Variants in NREP observed in about 807,000 individuals in gnomAD.
NREP encodes neuronal regeneration related protein, also known as neuronal regeneration-related protein.
In NREP, 5 loss-of-function variants were observed where a neutral mutation model predicts 8.6. The ratio of observed to expected loss-of-function variants is 0.58; its 90% CI spans 0.30 to 1.22. The LOEUF (loss-of-function observed/expected upper bound fraction) is 1.22. Among genes scored for constraint, NREP ranks in the 50% most tolerant of loss-of-function variants. The pLI is 0.07. For synonymous variants in NREP, 27 were observed against 28.0 expected, an observed-to-expected ratio of 0.96 and a Z score of 0.11; for missense variants, 86 against 82.5, an observed-to-expected ratio of 1.04 and a Z score of -0.17.
rs989925759 is a variant in NREP, at chr5:111,845,323, C to T, written c.136-109816G>A. Reference sequence around the variant, plus strand: ...GTGCCCTACACAGGTGCTATAATCTCTCACCTGGATTCCAGAGCTCTTGTG... The same window carrying T: ...GTGCCCTACACAGGTGCTATAATCTTTCACCTGGATTCCAGAGCTCTTGTG... On this transcript the variant is annotated intron_variant, in intron 2 of 3. Transcript: ENST00000395634. Among the ~76,000 whole-genome samples, 11 of 151,092 alleles carry T rather than the reference C, an allele frequency of 7.3e-5. No individual in the cohort carries two copies. In the South Asian group the frequency reaches 2.1e-3, roughly 29 times the overall value.
chr5:111,958,953 C>T (rs938099116), intron 2 of NREP, among the ~76,000 whole-genome samples: 2 of 151,668 alleles, frequency 1.3e-5, no homozygotes, highest in Non-Finnish European at 3.0e-5. Context: ...GATAGCCTTA[C>T]GGTATATCAC....
At chr5:111,813,202 G>A (rs144352186) in intron 2 of NREP, among the ~76,000 whole-genome samples, 275 of 152,240 alleles carry the variant, frequency 1.8e-3, no homozygotes, top group African/African-American at 4.8e-3. Flanking sequence ...TAGCTGGTCC[G>A]TGGCAGAGCT....
At chr5:111,967,575 C>T (rs973590341) in intron 2 of NREP, among the ~76,000 whole-genome samples, 10 of 152,176 alleles carry the variant, frequency 6.6e-5, no homozygotes, top group Non-Finnish European at 1.3e-4. Context: ...CTTCTTTGCT[C>T]CAGCCAAGGC....
At chr5:111,926,063 T>G (rs1353663840) in intron 2 of NREP, among the ~76,000 whole-genome samples, 1 of 152,162 alleles carries the variant, frequency 6.6e-6, no homozygotes, top group Non-Finnish European at 1.5e-5. Flanking sequence ...GGGCTAGATT[T>G]TGGAAAGCCT....
upstream of NREP, chr5:111,758,297 T>G: frequency 2.0e-6 from 2 of 975,686 alleles, no homozygotes; most frequent in Non-Finnish European, 2.4e-6. Flanking sequence ...CAAGACATAC[T>G]CCCCTGGTGC....
chr5:111,894,527 C>T (rs897728776), intron 2 of NREP, among the ~76,000 whole-genome samples: 2 of 151,702 alleles, frequency 1.3e-5, no homozygotes, highest in African/African-American at 4.8e-5. Context: ...ATCATTTTCT[C>T]TAAATTTGAT....
intron 2 of NREP, among the ~76,000 whole-genome samples, chr5:111,955,059 T>C (rs1756270468): frequency 6.6e-6 from 1 of 152,166 alleles, no homozygotes; most frequent in Non-Finnish European, 1.5e-5. Flanking sequence ...TTGTTTGTTT[T>C]CACTAGAAAG....
At chr5:111,826,256 T>C (rs1752622722) in intron 2 of NREP, among the ~76,000 whole-genome samples, 1 of 152,144 alleles carries the variant, frequency 6.6e-6, no homozygotes, top group Non-Finnish European at 1.5e-5. Context: ...AATGGACCAA[T>C]CAGCTCTCTG....
intron 2 of NREP, among the ~76,000 whole-genome samples, chr5:111,945,341 T>C (rs1026114436): frequency 2.0e-5 from 3 of 151,936 alleles, no homozygotes; most frequent in Non-Finnish European, 4.4e-5. Context: ...TGCAGGTTTG[T>C]TACATATGTA....
intron 2 of NREP, among the ~76,000 whole-genome samples, chr5:111,865,971 G>A (rs1434619421): frequency 1.3e-5 from 2 of 152,112 alleles, no homozygotes; most frequent in Admixed American, 1.3e-4. Context: ...ATACACGATG[G>A]GGACACATAG....
intron 2 of NREP, among the ~76,000 whole-genome samples, chr5:111,881,427 T>G (rs920130241): frequency 2.0e-5 from 3 of 152,152 alleles, no homozygotes; most frequent in African/African-American, 7.2e-5. Flanking sequence ...AAGACAGCAG[T>G]AACCTCTGCA....
At chr5:111,752,510 G>A (rs897186237) in intron 2 of NREP, among the ~76,000 whole-genome samples, 10 of 152,290 alleles carry the variant, frequency 6.6e-5, no homozygotes, top group African/African-American at 1.9e-4. Flanking sequence ...GAATAGGACC[G>A]CATCCCTCCC....
At chr5:111,955,475 A>AAAAAAAC (rs1223482037) in intron 2 of NREP, among the ~76,000 whole-genome samples, 2 of 123,754 alleles carry the variant, frequency 1.6e-5, no homozygotes, top group East Asian at 4.4e-4. Context: ...TACAGAAAAA[A>AAAAAAAC]AAAAAACAAA....
intron 2 of NREP, among the ~76,000 whole-genome samples, chr5:111,815,850 A>G (rs1164270880): frequency 6.6e-6 from 1 of 152,312 alleles, no homozygotes; most frequent in East Asian, 1.9e-4. Flanking sequence ...AAGAAAATAC[A>G]TGTCAATTCA....
At chr5:111,857,112 C>A (rs1753443206) in intron 2 of NREP, among the ~76,000 whole-genome samples, 1 of 152,114 alleles carries the variant, frequency 6.6e-6, no homozygotes, top group Admixed American at 6.6e-5. Flanking sequence ...ATCCAAAGTG[C>A]TTGTGCTTGA....
In NREP at chr5:111,885,541, T is replaced by C. The variant is rs533220541; in HGVS notation, c.135+89733A>G. On this transcript the variant is annotated intron_variant, in intron 2 of 3. Coordinates refer to the NREP transcript ENST00000395634. ...AAGTCCTAAGCCAAAAGAACAAAGC[T>C]GGAGGCATCACGCTACCTGACTTCA... is the stretch of plus-strand genomic sequence containing the variant. 3.3e-5 allele frequency among the ~76,000 whole-genome samples: 5 copies of C among 152,314 alleles called. No individual in the cohort carries two copies. In the South Asian group the frequency reaches 1.0e-3, roughly 32 times the overall value.
intron 2 of NREP, among the ~76,000 whole-genome samples, chr5:111,846,832 A>C (rs1176150077): frequency 6.6e-6 from 1 of 152,208 alleles, no homozygotes; most frequent in Non-Finnish European, 1.5e-5. Flanking sequence ...TGCCTAAGGC[A>C]CATTTAATAG....
intron 2 of NREP, among the ~76,000 whole-genome samples, chr5:111,966,703 G>A (rs1756652666): frequency 6.6e-6 from 1 of 151,890 alleles, no homozygotes; most frequent in Non-Finnish European, 1.5e-5. Context: ...GAAAATGAAG[G>A]CAAGAAATTC....
At chr5:111,829,669 C>T (rs1297948459) in intron 2 of NREP, among the ~76,000 whole-genome samples, 1 of 152,152 alleles carries the variant, frequency 6.6e-6, no homozygotes, top group Non-Finnish European at 1.5e-5. Flanking sequence ...TTGTAAATAC[C>T]TGGTATCTGA....
Sources: gnomAD v4.1 joint callset for allele counts (sites outside exome capture counted in the v4.1 genomes callset) on GRCh38, gnomAD v4.1.1 for gene constraint, MANE v1.5 for transcripts, NCBI Gene and HGNC (gene_info 2026-07-23, HGNC 2026-07-21) for gene names.